Variants in SORCS3 observed in about 807,000 individuals in gnomAD.
The protein encoded by SORCS3 is VPS10 domain-containing receptor SorCS3.
SORCS3 carries 57 observed loss-of-function variants against 146.3 expected under a neutral mutation model. That is an observed-to-expected ratio of 0.39 (90% CI 0.31 to 0.49). The LOEUF is 0.49. Ranked by LOEUF, SORCS3 falls within the 20% of genes least tolerant of loss-of-function variation. SORCS3 has a pLI of 0.92. For synonymous variants in SORCS3, 653 were observed against 618.5 expected (o/e 1.06, Z -0.83); for missense variants, 1,341 against 1,575.5 (o/e 0.85, Z 2.52).
chr10:104,654,328 G>T (rs1281460951), intron 1 of SORCS3, among the ~76,000 whole-genome samples: 1 of 152,158 alleles, frequency 6.6e-6, no homozygotes, highest in Non-Finnish European at 1.5e-5. Context: ...CCAGCAGCGG[G>T]ATTGCTGGAT....
intron 2 of SORCS3, among the ~76,000 whole-genome samples, chr10:104,852,083 G>A (rs758642091): frequency 1.3e-5 from 2 of 152,200 alleles, no homozygotes; most frequent in African/African-American, 2.4e-5. Context: ...GGTTTATCTT[G>A]TAAAAGATTC....
At chr10:104,878,828 C>A (rs368052730) in intron 2 of SORCS3, among the ~76,000 whole-genome samples, 2 of 152,096 alleles carry the variant, frequency 1.3e-5, no homozygotes, top group Admixed American at 6.5e-5. Flanking sequence ...GGGATTTGCA[C>A]GATGTGTTGG....
In SORCS3 at chr10:105,152,596, A is replaced by C. The variant is rs184382846; in HGVS notation, c.1483-4542A>C. 1.2e-4 allele frequency among the ~76,000 whole-genome samples: 18 copies of C among 152,316 alleles called. No homozygotes were observed. The East Asian group carries it at 3.3e-3, about 28-fold the overall frequency. On this transcript the variant is annotated intron_variant, in intron 9 of 26. Transcript: ENST00000369701. ...AGATTCACATACCCAAGTTATTCTC[A>C]ACAAACTTAAAAGTTTGCCAATAAC...
At chr10:105,158,139 G>C (rs1325646728) in intron 10 of SORCS3, among the ~76,000 whole-genome samples, 1 of 152,124 alleles carries the variant, frequency 6.6e-6, no homozygotes, top group Non-Finnish European at 1.5e-5. Context: ...TTACCTCTAG[G>C]AATTGGTCAC....
intron 6 of SORCS3, among the ~76,000 whole-genome samples, chr10:105,094,121 C>T (rs1418843439): frequency 6.6e-6 from 1 of 152,102 alleles, no homozygotes; most frequent in Admixed American, 6.5e-5. Flanking sequence ...CAAAAGGTTA[C>T]ATGCTGTATT....
chr10:104,958,476 A>G (rs1015314801), intron 3 of SORCS3, among the ~76,000 whole-genome samples: 3 of 152,176 alleles, frequency 2.0e-5, no homozygotes, highest in Non-Finnish European at 4.4e-5. Context: ...TGATCTTAAA[A>G]TAAGGAGAGT....
chr10:104,827,915 C>G (rs1258694971), intron 1 of SORCS3, among the ~76,000 whole-genome samples: 2 of 152,190 alleles, frequency 1.3e-5, no homozygotes, highest in Admixed American at 6.5e-5. Context: ...ATGAACCAAC[C>G]TCTGCTAGCT....
intron 1 of SORCS3, among the ~76,000 whole-genome samples, chr10:104,719,370 G>C (rs990212517): frequency 1.3e-5 from 2 of 152,182 alleles, no homozygotes; most frequent in Non-Finnish European, 2.9e-5. Flanking sequence ...GGTTGCAGGG[G>C]TATAGGTTTG....
At chr10:105,201,370 C>G (rs1367148846) in intron 16 of SORCS3, 117 bp downstream of exon 16, 1 of 1,261,822 alleles carries the variant, frequency 7.9e-7, no homozygotes, top group Admixed American at 2.4e-5. Flanking sequence ...GGAGGTGTAT[C>G]TGCTGGCCTG....
chr10:105,205,171 T>A (rs1001032483), intron 16 of SORCS3, among the ~76,000 whole-genome samples: 1 of 151,966 alleles, frequency 6.6e-6, no homozygotes, highest in Non-Finnish European at 1.5e-5. Context: ...CCTAGTTCAG[T>A]CAGTTTGGGA....
At chr10:105,258,996 C>G (rs1326027320) in intron 25 of SORCS3, among the ~76,000 whole-genome samples, 1 of 152,040 alleles carries the variant, frequency 6.6e-6, no homozygotes, top group Non-Finnish European at 1.5e-5. Context: ...TTTTTTTGGT[C>G]TCTTTTCCCC....
At chr10:105,188,009 G>A (rs971373710) in intron 14 of SORCS3, among the ~76,000 whole-genome samples, 23 of 152,204 alleles carry the variant, frequency 1.5e-4, no homozygotes, top group African/African-American at 5.3e-4. Flanking sequence ...GCTGCTGGTG[G>A]TGGTGGTGTG....
chr10:105,229,679 C>T (rs1589699195), intron 20 of SORCS3, among the ~76,000 whole-genome samples: 1 of 152,256 alleles, frequency 6.6e-6, no homozygotes, highest in Non-Finnish European at 1.5e-5. Context: ...TTAGTGGAGG[C>T]CATGGAAATT....
In SORCS3 at chr10:104,903,259, GTTACT is replaced by G. The variant is rs560528089; in HGVS notation, c.696-12572_696-12568del. On this transcript the variant is annotated intron_variant, in intron 2 of 26. Transcript: ENST00000369701. The stretch of plus-strand genomic sequence containing the variant: ...TGTATAAAGCACTATGCAAATGTTA[GTTACT>G]TAATGCCACAGTGATTTAGGGTGAC... 1.4e-4 allele frequency among the ~76,000 whole-genome samples: 22 copies of G among 152,286 alleles called. 1 individual carries two copies. In the South Asian group the frequency reaches 4.4e-3, roughly 30 times the overall value.
chr10:104,899,025 A>G (rs1208919508), intron 2 of SORCS3, among the ~76,000 whole-genome samples: 1 of 152,178 alleles, frequency 6.6e-6, no homozygotes, highest in Non-Finnish European at 1.5e-5. Flanking sequence ...ATACCTATTT[A>G]CTATTCTCAA....
chr10:104,680,461 CTT>C (rs2015957835), intron 1 of SORCS3, among the ~76,000 whole-genome samples: 1 of 152,250 alleles, frequency 6.6e-6, no homozygotes, highest in Non-Finnish European at 1.5e-5. Flanking sequence ...ACCTTCTCCT[CTT>C]TCCCTGGAGA....
intron 4 of SORCS3, among the ~76,000 whole-genome samples, chr10:104,998,955 C>A (rs991592171): frequency 8.6e-5 from 13 of 151,996 alleles, no homozygotes; most frequent in Non-Finnish European, 1.5e-4. Flanking sequence ...TTGTCTTTAT[C>A]GTGGAAGTAT....
At chr10:104,738,188 G>A (rs2016799119) in intron 1 of SORCS3, among the ~76,000 whole-genome samples, 2 of 152,332 alleles carry the variant, frequency 1.3e-5, no homozygotes, top group South Asian at 2.1e-4. Context: ...TGTGAAGTCA[G>A]GTAGCCTGAT....
At chr10:104,994,617 C>T (rs960405924) in intron 4 of SORCS3, among the ~76,000 whole-genome samples, 2 of 152,134 alleles carry the variant, frequency 1.3e-5, no homozygotes, top group Admixed American at 1.3e-4. Context: ...CTTTTTCATC[C>T]CCTCACCATA....
Sources: gnomAD v4.1 joint callset for allele counts (sites outside exome capture counted in the v4.1 genomes callset) on GRCh38, gnomAD v4.1.1 for gene constraint, MANE v1.5 for transcripts, NCBI Gene and HGNC (gene_info 2026-07-23, HGNC 2026-07-21) for gene names.